Variants in SLC25A21 observed in about 807,000 individuals in gnomAD.
SLC25A21 encodes solute carrier family 25 member 21, also known as mitochondrial 2-oxodicarboxylate carrier.
A neutral mutation model predicts 43.8 loss-of-function variants in SLC25A21; 47 were observed. The observed-to-expected ratio is 1.07, with a 90% CI of 0.85 to 1.37. The LOEUF is 1.37. SLC25A21 is among the 40% of genes most tolerant of loss of function. The probability of loss-of-function intolerance (pLI) is 0.00; values close to 1 mark genes in which losing one functional copy is unlikely to be tolerated. For missense variants in SLC25A21, 352 were observed against 350.2 expected (o/e 1.00, Z -0.04); for synonymous variants, 131 against 121.3 (o/e 1.08, Z -0.52).
chr14:36,792,898 A>G (rs1186636343), intron 3 of SLC25A21, among the ~76,000 whole-genome samples: 2 of 152,140 alleles, frequency 1.3e-5, no homozygotes, highest in East Asian at 3.9e-4. Context: ...TTTTACAATG[A>G]TCACAGATCC....
chr14:37,161,699 G>A (rs1489740374), intron 1 of SLC25A21, among the ~76,000 whole-genome samples: 2 of 152,040 alleles, frequency 1.3e-5, no homozygotes, highest in Non-Finnish European at 2.9e-5. Context: ...GGTGGCTCAC[G>A]CCTGTAATCC....
intron 1 of SLC25A21, among the ~76,000 whole-genome samples, chr14:37,021,360 C>G (rs1193774739): frequency 6.6e-6 from 1 of 152,054 alleles, no homozygotes. Flanking sequence ...ATACAGCACA[C>G]TTAACATCTT....
intron 3 of SLC25A21, among the ~76,000 whole-genome samples, chr14:36,749,553 C>T (rs1311982166): frequency 2.6e-5 from 4 of 152,284 alleles, no homozygotes; most frequent in Admixed American, 1.3e-4. Context: ...CTATCTCCCT[C>T]AGAGCAAAAC....
intron 1 of SLC25A21, among the ~76,000 whole-genome samples, chr14:37,053,175 C>T (rs1439028138): frequency 1.3e-5 from 2 of 151,994 alleles, no homozygotes; most frequent in Non-Finnish European, 2.9e-5. Context: ...GTTTTATATC[C>T]TATGAAAATA....
At chr14:37,126,629 G>C (rs189612469) in intron 1 of SLC25A21, among the ~76,000 whole-genome samples, 1 of 151,918 alleles carries the variant, frequency 6.6e-6, no homozygotes, top group Admixed American at 6.6e-5. Flanking sequence ...AAAAATAGGA[G>C]GCTACTGGCA....
At chr14:36,709,293 T>C (rs1883727179) in intron 7 of SLC25A21, among the ~76,000 whole-genome samples, 1 of 152,226 alleles carries the variant, frequency 6.6e-6, no homozygotes, top group Admixed American at 6.5e-5. Flanking sequence ...CCATGATTGA[T>C]TTAATGTTCT....
At chr14:37,106,892 T>C (rs958869802) in intron 1 of SLC25A21, among the ~76,000 whole-genome samples, 3 of 152,288 alleles carry the variant, frequency 2.0e-5, no homozygotes, top group East Asian at 1.9e-4. Context: ...CCAACACTTA[T>C]GGAAAATAGA....
intron 6 of SLC25A21, among the ~76,000 whole-genome samples, chr14:36,721,321 T>C (rs1884366252): frequency 1.3e-5 from 2 of 152,212 alleles, no homozygotes; most frequent in African/African-American, 4.8e-5. Context: ...ACTATTATTT[T>C]TTCCTAACAA....
At chr14:36,959,035 T>C (rs965560614) in intron 1 of SLC25A21, among the ~76,000 whole-genome samples, 8 of 152,182 alleles carry the variant, frequency 5.3e-5, no homozygotes, top group Non-Finnish European at 1.0e-4. Context: ...AGGAAAACAC[T>C]GGCGTGTGCT....
chr14:36,835,357 G>T (rs1889173662), intron 2 of SLC25A21, among the ~76,000 whole-genome samples: 1 of 152,114 alleles, frequency 6.6e-6, no homozygotes, highest in South Asian at 2.1e-4. Context: ...AATATAATGT[G>T]AGCCAGCAAG....
chr14:36,686,510 T>A (rs1882551799), intron 7 of SLC25A21, among the ~76,000 whole-genome samples: 1 of 152,156 alleles, frequency 6.6e-6, no homozygotes, highest in African/African-American at 2.4e-5. Context: ...GCCCAGTGTA[T>A]CCAAGGGAAG....
chr14:36,680,768 C>A, intron 9 of SLC25A21, 49 bp from the exon 10 acceptor site: 2 of 1,535,830 alleles, frequency 1.3e-6, no homozygotes, highest in South Asian at 2.3e-5. Flanking sequence ...TGGAATAGCA[C>A]TGGCTTTCCC....
At chr14:37,160,175 A>C (rs1234891665) in intron 1 of SLC25A21, among the ~76,000 whole-genome samples, 1 of 152,320 alleles carries the variant, frequency 6.6e-6, no homozygotes, top group Non-Finnish European at 1.5e-5. Flanking sequence ...AAAAAAACTA[A>C]AAATAGAATT....
chr14:36,688,024 G>A (rs966531761), intron 7 of SLC25A21, among the ~76,000 whole-genome samples: 1 of 152,038 alleles, frequency 6.6e-6, no homozygotes, highest in Non-Finnish European at 1.5e-5. Flanking sequence ...TATCTTTCTA[G>A]CTTCCACTTC....
intron 2 of SLC25A21, among the ~76,000 whole-genome samples, chr14:36,841,086 A>C (rs1889369699): frequency 6.6e-6 from 1 of 152,230 alleles, no homozygotes; most frequent in Admixed American, 6.5e-5. Flanking sequence ...AAATCAACCC[A>C]GATAGCCTTG....
At chr14:36,714,056 T>A (rs937331872) in intron 6 of SLC25A21, among the ~76,000 whole-genome samples, 2 of 152,172 alleles carry the variant, frequency 1.3e-5, no homozygotes, top group African/African-American at 4.8e-5. Context: ...ATTGTTGAGA[T>A]TGTTGAAAGA....
At chr14:36,769,053 T>C (rs573718591) in intron 3 of SLC25A21, among the ~76,000 whole-genome samples, 17 of 152,366 alleles carry the variant, frequency 1.1e-4, no homozygotes, top group African/African-American at 3.4e-4. Flanking sequence ...GTCTTTATAC[T>C]GCCTTCACAA....
At chr14:36,852,167 T>A (rs1724429570) in intron 2 of SLC25A21, among the ~76,000 whole-genome samples, 1 of 152,116 alleles carries the variant, frequency 6.6e-6, no homozygotes, top group South Asian at 2.1e-4. Context: ...CTTTATTGCA[T>A]GGAGCAGGAA....
chr14:37,166,131 T>A (rs1964026490), intron 1 of SLC25A21, among the ~76,000 whole-genome samples: 1 of 152,162 alleles, frequency 6.6e-6, no homozygotes, highest in South Asian at 2.1e-4. Flanking sequence ...GATGCACAAA[T>A]CACGGAGCAG....
Sources: allele counts gnomAD v4.1 joint callset (sites outside exome capture counted in the v4.1 genomes callset), GRCh38; gene constraint gnomAD v4.1.1; transcripts MANE v1.5; gene names NCBI Gene and HGNC (gene_info 2026-07-23, HGNC 2026-07-21).